The following PBX1 variants were observed in gnomAD, a reference collection of about 807,000 sequenced individuals.
PBX1 encodes PBX homeobox 1.
In PBX1, 6 loss-of-function variants were observed where a neutral mutation model predicts 53.4. The observed-to-expected ratio is 0.11, with a 90% CI of 0.06 to 0.22. PBX1 has a LOEUF of 0.22. PBX1 is among the 10% of genes least tolerant of loss of function. The pLI is 1.00. For synonymous variants in PBX1, 204 were observed against 212.3 expected, an observed-to-expected ratio of 0.96 and a Z score of 0.34; for missense variants, 251 against 551.4, an observed-to-expected ratio of 0.46 and a Z score of 5.46.
chr1:164,646,365 T>C (rs960384809), intron 2 of PBX1, among the ~76,000 whole-genome samples: 2 of 152,192 alleles, frequency 1.3e-5, no homozygotes, highest in Non-Finnish European at 2.9e-5. Context: ...ACTGCATAAC[T>C]AGTTTGATCA....
At chr1:164,620,077 T>C (rs2101849484) in intron 2 of PBX1, among the ~76,000 whole-genome samples, 1 of 151,650 alleles carries the variant, frequency 6.6e-6, no homozygotes, top group Middle Eastern at 3.4e-3. Flanking sequence ...TCTGTAGTCC[T>C]AGCTACTCAG....
At chr1:164,826,456 G>A (rs1670468130) in intron 8 of PBX1, among the ~76,000 whole-genome samples, 1 of 152,012 alleles carries the variant, frequency 6.6e-6, no homozygotes, top group Non-Finnish European at 1.5e-5. Context: ...CCAGGCTGGA[G>A]TGCAGTGGTG....
At chr1:164,672,589 C>T (rs1412351479) in intron 2 of PBX1, among the ~76,000 whole-genome samples, 7 of 152,052 alleles carry the variant, frequency 4.6e-5, no homozygotes, top group African/African-American at 1.7e-4. Context: ...AGATTTTTTC[C>T]CCCTTTCTTC....
intron 2 of PBX1, among the ~76,000 whole-genome samples, chr1:164,598,844 T>C (rs1009180606): frequency 2.0e-5 from 3 of 152,182 alleles, no homozygotes; most frequent in African/African-American, 4.8e-5. Context: ...AGATTTGACC[T>C]TTAAAACTAC....
chr1:164,727,235 G>T (rs886622385), intron 2 of PBX1, among the ~76,000 whole-genome samples: 3 of 152,112 alleles, frequency 2.0e-5, no homozygotes, highest in African/African-American at 7.2e-5. Flanking sequence ...CATTTAATGT[G>T]TGCCCTTAAT....
intron 2 of PBX1, among the ~76,000 whole-genome samples, chr1:164,782,242 T>G (rs1667969646): frequency 6.6e-6 from 1 of 152,204 alleles, no homozygotes; most frequent in Non-Finnish European, 1.5e-5. Flanking sequence ...TTTAGAGTAC[T>G]GCACCTTGTT....
downstream of PBX1, chr1:164,851,886 A>T (rs1049746715): frequency 6.2e-5 from 10 of 161,226 alleles, no homozygotes; most frequent in African/African-American, 2.4e-4. Flanking sequence ...CTCTTTCCCC[A>T]AACTAGGCCT....
At chr1:164,691,504 AT>A (rs1662486340) in intron 2 of PBX1, among the ~76,000 whole-genome samples, 3 of 152,138 alleles carry the variant, frequency 2.0e-5, no homozygotes, top group African/African-American at 7.2e-5. Context: ...CTCCAGCTCT[AT>A]CACTTCCAGT....
chr1:164,673,346 G>T (rs1194652821), intron 2 of PBX1, among the ~76,000 whole-genome samples: 1 of 152,084 alleles, frequency 6.6e-6, no homozygotes, highest in African/African-American at 2.4e-5. Context: ...CCAGAACCTG[G>T]ATTTCTCCCA....
At chr1:164,746,125 A>G (rs1665877464) in intron 2 of PBX1, among the ~76,000 whole-genome samples, 1 of 152,254 alleles carries the variant, frequency 6.6e-6, no homozygotes, top group Admixed American at 6.5e-5. Context: ...CCTTCAGCCA[A>G]AGAAAAGCTA....
chr1:164,660,786 C>A (rs1660444327), intron 2 of PBX1, among the ~76,000 whole-genome samples: 1 of 152,124 alleles, frequency 6.6e-6, no homozygotes, highest in Admixed American at 6.5e-5. Context: ...TATATTATTT[C>A]TTCTTCATTT....
chr1:164,792,746 G>A lies in PBX1; in HGVS notation c.510+8G>A. On this transcript the variant is annotated splice_region_variant and intron_variant, in intron 3 of 8. Coordinates refer to ENST00000420696, the MANE Select transcript of PBX1 (RefSeq NM_002585.4). ...CTGGAGAAATACGAGCAGGTAACCA[G>A]AACCACCTGGGGCTCGGCACCCAGG... The A allele has an allele frequency of 2.5e-6, 4 of 1,590,770 alleles. No individual in the cohort carries two copies. Among genetic ancestry groups the A allele is most frequent in the Middle Eastern group, 1.7e-4 (1 of 5,906 alleles).
chr1:164,710,114 T>C (rs1663669392), intron 2 of PBX1, among the ~76,000 whole-genome samples: 1 of 152,218 alleles, frequency 6.6e-6, no homozygotes, highest in Non-Finnish European at 1.5e-5. Flanking sequence ...GTCTGACACA[T>C]ACACCAGTGT....
chr1:164,703,056 A>G (rs1189932379), intron 2 of PBX1: 3 of 152,190 alleles, frequency 2.0e-5, no homozygotes, highest in Non-Finnish European at 4.4e-5. Flanking sequence ...TTGTCAGGCA[A>G]GAGTGCTGTA....
chr1:164,808,942 T>G (rs1669479216), intron 5 of PBX1, among the ~76,000 whole-genome samples: 2 of 152,174 alleles, frequency 1.3e-5, no homozygotes, highest in African/African-American at 4.8e-5. Context: ...AACGGGAACG[T>G]CAGCGGTCAA....
intron 2 of PBX1, among the ~76,000 whole-genome samples, chr1:164,727,526 G>C (rs1223992783): frequency 1.3e-5 from 2 of 152,218 alleles, no homozygotes; most frequent in African/African-American, 4.8e-5. Flanking sequence ...CCAGGTAGCA[G>C]TGGCTTTTTA....
chr1:164,739,753 A>ATG (rs57602745), intron 2 of PBX1, among the ~76,000 whole-genome samples: 185 of 143,110 alleles, frequency 1.3e-3, no homozygotes, highest in African/African-American at 4.6e-3. Flanking sequence ...GTGGTTGTGC[A>ATG]TGTGTGTGTG....
intron 2 of PBX1, among the ~76,000 whole-genome samples, chr1:164,873,216 T>C (rs2102456907): frequency 6.6e-6 from 1 of 152,356 alleles, no homozygotes; most frequent in Admixed American, 6.5e-5. Context: ...TTTTGATCAG[T>C]ACAGGACAGG....
intron 2 of PBX1, among the ~76,000 whole-genome samples, chr1:164,775,711 C>A (rs1380760345): frequency 6.6e-6 from 1 of 152,192 alleles, no homozygotes; most frequent in Non-Finnish European, 1.5e-5. Flanking sequence ...TCCCCAGATG[C>A]AGAGCTGAGG....
Sources: gnomAD v4.1 joint callset for allele counts (sites outside exome capture counted in the v4.1 genomes callset) on GRCh38, gnomAD v4.1.1 for gene constraint, MANE v1.5 for transcripts, NCBI Gene and HGNC (gene_info 2026-07-23, HGNC 2026-07-21) for gene names.